KLF8: variants seen among roughly 807,000 people sequenced by gnomAD.
KLF8 encodes Krueppel-like factor 8.
KLF8 carries 10 observed loss-of-function variants against 18.2 expected under a neutral mutation model. That is an observed-to-expected ratio of 0.55 (90% CI 0.34 to 0.93). KLF8 has a LOEUF of 0.93. Among genes scored for constraint, KLF8 ranks in the 40% least tolerant of loss-of-function variants. KLF8 has a pLI of 0.02. For missense variants in KLF8, 264 were observed against 277.9 expected, an observed-to-expected ratio of 0.95 and a Z score of 0.36; for synonymous variants, 109 against 97.3, an observed-to-expected ratio of 1.12 and a Z score of -0.71.
chrX:56,159,257 A>G, the KLF8 span, among the ~76,000 whole-genome samples: 1 of 111,838 alleles, frequency 8.9e-6, no homozygotes, highest in Admixed American at 9.6e-5. Flanking sequence ...ATAGTGGACA[A>G]ACTTTTTGAT....
the KLF8 span, among the ~76,000 whole-genome samples, chrX:56,183,569 T>C: frequency 9.0e-6 from 1 of 111,370 alleles, no homozygotes; most frequent in African/African-American, 3.3e-5. Context: ...CTGTAGAGTG[T>C]AGCTGTTCCT....
At chrX:56,189,206 C>A in the KLF8 span, among the ~76,000 whole-genome samples, 214 of 111,414 alleles carry the variant, frequency 1.9e-3, 2 homozygotes, top group African/African-American at 6.7e-3. Context: ...AAAAAGTGGA[C>A]GAAGGACATG....
At chrX:56,138,704 A>G in the KLF8 span, among the ~76,000 whole-genome samples, 1 of 111,643 alleles carries the variant, frequency 9.0e-6, no homozygotes, top group African/African-American at 3.3e-5. Context: ...ACCCACAGCC[A>G]ACATCATACT....
At chrX:56,114,695 A>C in the KLF8 span, among the ~76,000 whole-genome samples, 4 of 112,941 alleles carry the variant, frequency 3.5e-5, no homozygotes, top group Non-Finnish European at 5.6e-5. Flanking sequence ...ATCTGATATG[A>C]GAGCAGAATC....
the KLF8 span, among the ~76,000 whole-genome samples, chrX:55,958,386 G>T: frequency 1.8e-5 from 2 of 112,099 alleles, no homozygotes; most frequent in Middle Eastern, 9.2e-3. Flanking sequence ...ACCAAGGCCT[G>T]CTACAAGAGG....
the KLF8 span, among the ~76,000 whole-genome samples, chrX:56,161,111 C>T: frequency 9.0e-6 from 1 of 111,473 alleles, no homozygotes; most frequent in African/African-American, 3.3e-5. Context: ...TGAACATTTG[C>T]TCGTCTGTAA....
chrX:55,975,773 G>T, the KLF8 span, among the ~76,000 whole-genome samples: 9 of 110,850 alleles, frequency 8.1e-5, no homozygotes, highest in Admixed American at 2.9e-4. Context: ...GAAGGGAATG[G>T]CTGACTTTTT....
the KLF8 span, among the ~76,000 whole-genome samples, chrX:56,080,124 A>C: frequency 8.9e-4 from 99 of 111,324 alleles, no homozygotes; most frequent in Non-Finnish European, 1.7e-3. Flanking sequence ...TGTGTCTTTT[A>C]ATTGGAGCAT....
the KLF8 span, among the ~76,000 whole-genome samples, chrX:56,014,498 G>A: frequency 3.6e-5 from 4 of 112,333 alleles, no homozygotes; most frequent in Non-Finnish European, 7.5e-5. Context: ...CAAGACTGCG[G>A]AGAAGAAGGA....
At chrX:56,105,687 T>C in the KLF8 span, among the ~76,000 whole-genome samples, 11 of 111,427 alleles carry the variant, frequency 9.9e-5, no homozygotes, top group African/African-American at 1.6e-4. Flanking sequence ...TGTCTTTTAA[T>C]TGGGGCATTT....
chrX:56,260,868 G>T (rs1203173210), intron 2 of KLF8, among the ~76,000 whole-genome samples: 1 of 111,682 alleles, frequency 9.0e-6, no homozygotes, highest in African/African-American at 3.3e-5. Context: ...AGGCTTTATC[G>T]TGTTTCTATA....
At chrX:56,094,019 A>C in the KLF8 span, among the ~76,000 whole-genome samples, 1 of 108,306 alleles carries the variant, frequency 9.2e-6, no homozygotes, top group South Asian at 4.0e-4. Context: ...TGAAACAAGA[A>C]GGTAGAAAAT....
the KLF8 span, among the ~76,000 whole-genome samples, chrX:55,976,404 T>A: frequency 8.9e-6 from 1 of 111,778 alleles, no homozygotes; most frequent in Non-Finnish European, 1.9e-5. Context: ...TTCTTCTCTA[T>A]GATTCTATGA....
the KLF8 span, among the ~76,000 whole-genome samples, chrX:56,067,147 G>C: frequency 1.9e-5 from 2 of 105,524 alleles, no homozygotes; most frequent in Non-Finnish European, 3.9e-5. Context: ...TCACTAATTT[G>C]GTTTTGTGTG....
the KLF8 span, among the ~76,000 whole-genome samples, chrX:56,080,147 C>G: frequency 6.3e-5 from 7 of 110,514 alleles, no homozygotes; most frequent in African/African-American, 2.3e-4. Flanking sequence ...AGTCCATTTC[C>G]ATTTAAAGTT....
chrX:56,189,821 G>A, the KLF8 span, among the ~76,000 whole-genome samples: 2 of 90,381 alleles, frequency 2.2e-5, no homozygotes, highest in Non-Finnish European at 4.2e-5. Flanking sequence ...ATTGAACAAT[G>A]AGATCACATG....
the KLF8 span, among the ~76,000 whole-genome samples, chrX:56,061,617 G>C: frequency 5.4e-5 from 6 of 111,681 alleles, no homozygotes; most frequent in Admixed American, 3.8e-4. Context: ...GTGCAATGTG[G>C]TGCTGAGAAG....
intron 1 of KLF8, among the ~76,000 whole-genome samples, chrX:56,234,443 A>C (rs763112064): frequency 8.9e-6 from 1 of 111,862 alleles, no homozygotes; most frequent in African/African-American, 3.2e-5. Context: ...TCTTAGTTCA[A>C]CTTCCCTTTT....
chrX:56,002,000 G>A, the KLF8 span, among the ~76,000 whole-genome samples: 5 of 111,730 alleles, frequency 4.5e-5, no homozygotes, highest in South Asian at 3.8e-4. Flanking sequence ...ATGAAGGCCC[G>A]CCTACAAATA....
Sources: allele counts gnomAD v4.1 joint callset (sites outside exome capture counted in the v4.1 genomes callset), GRCh38; gene constraint gnomAD v4.1.1; transcripts MANE v1.5; gene names NCBI Gene and HGNC (gene_info 2026-07-23, HGNC 2026-07-21).